The following ADAMTS17 variants were observed in gnomAD, a reference collection of about 807,000 sequenced individuals.
ADAMTS17 encodes A disintegrin and metalloproteinase with thrombospondin motifs 17.
ADAMTS17 carries 113 observed loss-of-function variants against 141.5 expected under a neutral mutation model. The observed-to-expected ratio is 0.80, with a 90% CI of 0.69 to 0.93. The LOEUF (loss-of-function observed/expected upper bound fraction) is 0.93. Among genes scored for constraint, ADAMTS17 ranks in the 40% least tolerant of loss-of-function variants. The pLI, the probability that ADAMTS17 is intolerant of heterozygous loss-of-function variation, is 0.00. For synonymous variants in ADAMTS17, 768 were observed against 630.6 expected, an observed-to-expected ratio of 1.22 and a Z score of -3.27; for missense variants, 1,659 against 1,517.9, an observed-to-expected ratio of 1.09 and a Z score of -1.54.
intron 3 of ADAMTS17, among the ~76,000 whole-genome samples, chr15:100,323,114 A>C (rs2045784829): frequency 6.6e-6 from 1 of 151,244 alleles, no homozygotes; most frequent in South Asian, 2.1e-4. Context: ...AGAATTATAA[A>C]TCATGTTGTA....
At chr15:100,122,284 T>C (rs1017221648) in intron 12 of ADAMTS17, among the ~76,000 whole-genome samples, 1 of 152,248 alleles carries the variant, frequency 6.6e-6, no homozygotes, top group African/African-American at 2.4e-5. Flanking sequence ...GAACTTTCCC[T>C]GATTTAAAAA....
At chr15:100,275,139 C>A (rs2044036804) in intron 4 of ADAMTS17, among the ~76,000 whole-genome samples, 1 of 152,154 alleles carries the variant, frequency 6.6e-6, no homozygotes, top group Non-Finnish European at 1.5e-5. Context: ...GCACAGAGTC[C>A]TAAAAGGCAG....
At chr15:100,325,105 A>G (rs528177199) in intron 3 of ADAMTS17, among the ~76,000 whole-genome samples, 60 of 152,282 alleles carry the variant, frequency 3.9e-4, no homozygotes, top group Admixed American at 1.4e-3. Flanking sequence ...TCGCTTGAAC[A>G]TGCCCTCCAG....
chr15:100,147,767 T>C (rs1043655952), intron 10 of ADAMTS17, among the ~76,000 whole-genome samples: 1 of 152,224 alleles, frequency 6.6e-6, no homozygotes, highest in African/African-American at 2.4e-5. Context: ...CCTAAACTAA[T>C]GTATTAGTTT....
intron 8 of ADAMTS17, among the ~76,000 whole-genome samples, chr15:100,163,390 A>AC (rs1418437559): frequency 6.6e-6 from 1 of 151,918 alleles, no homozygotes; most frequent in Non-Finnish European, 1.5e-5. Flanking sequence ...TGCAAGCACC[A>AC]CCCCATGCTG....
At chr15:100,064,405 C>G (rs2033366905) in intron 15 of ADAMTS17, among the ~76,000 whole-genome samples, 1 of 152,154 alleles carries the variant, frequency 6.6e-6, no homozygotes, top group African/African-American at 2.4e-5. Flanking sequence ...GAAACCATAG[C>G]AAAAGAATAT....
At chr15:100,067,703 T>C (rs2033641659) in intron 15 of ADAMTS17, among the ~76,000 whole-genome samples, 1 of 152,200 alleles carries the variant, frequency 6.6e-6, no homozygotes, top group Admixed American at 6.5e-5. Flanking sequence ...GATCAATCCC[T>C]TGGATTGTTT....
intron 15 of ADAMTS17, among the ~76,000 whole-genome samples, chr15:100,069,470 A>T (rs1483709540): frequency 6.6e-6 from 1 of 152,214 alleles, no homozygotes; most frequent in African/African-American, 2.4e-5. Context: ...AATCAAGGAA[A>T]AAATGTTAAG....
Position 100,336,653 on chromosome 15 carries a change from G to A in ADAMTS17, c.450+4386C>T, listed in dbSNP as rs539447647. ...GTATTATAATGCAGACCCTTCCAATGGGTCTCCACACCATATAATTTTTGA... is the reference window on the plus strand; with the variant it reads ...GTATTATAATGCAGACCCTTCCAATAGGTCTCCACACCATATAATTTTTGA... On this transcript the variant is annotated intron_variant, in intron 2 of 21. Coordinates refer to ENST00000268070, the MANE Select transcript of ADAMTS17 (RefSeq NM_139057.4). Among the ~76,000 whole-genome samples, 6 of 152,138 alleles carry A rather than the reference G, an allele frequency of 3.9e-5. No homozygotes were observed. In the East Asian group the frequency reaches 1.2e-3, roughly 29 times the overall value.
intron 8 of ADAMTS17, among the ~76,000 whole-genome samples, chr15:100,172,323 T>A (rs112105257): frequency 6.6e-6 from 1 of 152,232 alleles, no homozygotes; most frequent in Non-Finnish European, 1.5e-5. Flanking sequence ...TGTCTATTGT[T>A]GGATGCAGTG....
Position 100,183,724 on chromosome 15 carries a change from G to A in ADAMTS17, c.1181+15594C>T, listed in dbSNP as rs562563282. Among the ~76,000 whole-genome samples the A allele has an allele frequency of 2.6e-5, 4 of 152,282 alleles. No individual in the cohort carries two copies. In the South Asian group the frequency reaches 8.3e-4, roughly 32 times the overall value. On this transcript the variant is annotated intron_variant, in intron 8 of 21. Coordinates refer to ENST00000268070, the MANE Select transcript of ADAMTS17 (RefSeq NM_139057.4). ...GAATACTTTGGTTATTATATTAGGA[G>A]TCTCTTGATCCTGTTTAAATATGCT...
chr15:100,324,244 G>A (rs975756068), intron 3 of ADAMTS17, among the ~76,000 whole-genome samples: 1 of 152,050 alleles, frequency 6.6e-6, no homozygotes, highest in Non-Finnish European at 1.5e-5. Flanking sequence ...GACAGATTTT[G>A]CAGTGAGCCG....
chr15:100,317,650 G>C lies in ADAMTS17; in HGVS notation c.616+13239C>G, dbSNP rs536009237. Among the ~76,000 whole-genome samples the C allele has an allele frequency of 5.3e-5, 8 of 152,270 alleles. No homozygotes were observed. In the South Asian group the frequency reaches 6.2e-4, roughly 12 times the overall value. On this transcript the variant is annotated intron_variant, in intron 3 of 21. Transcript: ENST00000268070. ...CAGGGAACAAATGTTGAGCATTTTG[G>C]GGGGGACAACACTGAGAAAAAGAGA...
intron 15 of ADAMTS17, among the ~76,000 whole-genome samples, chr15:100,055,388 G>A (rs62041050): frequency 0.27 from 41,090 of 152,074 alleles, 5,908 homozygotes; most frequent in East Asian, 0.43. Flanking sequence ...ACAGAGGGTC[G>A]CTGGGTAGTC....
At chr15:100,266,873 G>A (rs753847022) in intron 4 of ADAMTS17, among the ~76,000 whole-genome samples, 11 of 152,088 alleles carry the variant, frequency 7.2e-5, no homozygotes, top group South Asian at 2.1e-4. Flanking sequence ...CATGAGCTCC[G>A]GAGGATGAGA....
At chr15:100,089,401 A>G (rs1444400331) in intron 15 of ADAMTS17, among the ~76,000 whole-genome samples, 2 of 149,426 alleles carry the variant, frequency 1.3e-5, no homozygotes, top group African/African-American at 5.0e-5. Flanking sequence ...AAACTAGTTC[A>G]ACCATTGTGG....
chr15:100,318,227 T>C (rs1238634420), intron 3 of ADAMTS17, among the ~76,000 whole-genome samples: 1 of 151,634 alleles, frequency 6.6e-6, no homozygotes, highest in Non-Finnish European at 1.5e-5. Flanking sequence ...TGAAACAGAG[T>C]CAGACAACAA....
chr15:100,317,610 C>T (rs1387357411), intron 3 of ADAMTS17, among the ~76,000 whole-genome samples: 1 of 152,130 alleles, frequency 6.6e-6, no homozygotes, highest in Non-Finnish European at 1.5e-5. Flanking sequence ...AAACACCATG[C>T]GAGGTGTGTG....
chr15:100,101,640 C>T (rs2036108791), intron 14 of ADAMTS17, among the ~76,000 whole-genome samples: 1 of 152,194 alleles, frequency 6.6e-6, no homozygotes, highest in Admixed American at 6.5e-5. Flanking sequence ...CTCTGACACA[C>T]ACAGTGGCTG....
Sources: allele counts gnomAD v4.1 joint callset (sites outside exome capture counted in the v4.1 genomes callset), GRCh38; gene constraint gnomAD v4.1.1; transcripts MANE v1.5; gene names NCBI Gene and HGNC (gene_info 2026-07-23, HGNC 2026-07-21).